The following TAF1C variants were observed in gnomAD, a reference collection of about 807,000 sequenced individuals.
TAF1C encodes the protein TATA box-binding protein-associated factor RNA polymerase I subunit C.
Under a neutral mutation model 70.5 loss-of-function variants are expected in TAF1C, and 79 were observed. The observed-to-expected ratio is 1.12, with a 90% confidence interval of 0.93 to 1.35. TAF1C has a LOEUF of 1.35. Among genes scored for constraint, TAF1C ranks in the 40% most tolerant of loss-of-function variants. The pLI is 0.00. For synonymous variants in TAF1C, 614 were observed against 491.1 expected (o/e 1.25, Z -3.31); for missense variants, 1,412 against 1,127.8 (o/e 1.25, Z -3.61).
chr16:84,183,696 C>T lies in TAF1C; in HGVS notation c.220+1G>A. On this transcript the variant is annotated splice_donor_variant, in intron 3 of 14. Coordinates refer to ENST00000566732, the MANE Select transcript of TAF1C (RefSeq NM_001243156.2). LOFTEE classifies it high-confidence loss of function. ...TGAGCCCGGGGGAATGAGACCCTTA[C>T]CGATGAGGGGAGGCAGCATGGGGAG... The T allele has an allele frequency of 6.2e-7, 1 of 1,610,650 alleles. No homozygotes were observed.
Position 84,177,921 on chromosome 16 carries a change from C to A in TAF1C, c.*1020G>T. ...CATGATAAACATTTTAACACCCACG[C>A]GAGTCAGTGTATGATTGGGCTAGCT... On this transcript the variant is annotated 3_prime_UTR_variant, in exon 15 of 15. Transcript: ENST00000566732. 2 of 1,191,210 alleles carry A rather than the reference C, an allele frequency of 1.7e-6. No homozygotes were observed. The highest frequency in any genetic ancestry group is 2.5e-6 in the Non-Finnish European group (2 of 804,608). The allele number at this position is 1,191,210 out of a possible 1,614,324, so 73.8% of individuals were successfully genotyped here. A position where few individuals can be genotyped will look rare whatever the true frequency, so the allele number is the denominator to read the frequency against.
chr16:84,182,060 T>C lies in TAF1C; in HGVS notation c.722-2A>G, dbSNP rs748431609. The C allele has an allele frequency of 6.8e-6, 11 of 1,612,814 alleles. No homozygotes were observed. In the African/African-American group the frequency reaches 1.2e-4, roughly 18 times the overall value. On this transcript the variant is annotated splice_acceptor_variant, in intron 7 of 14. Transcript: ENST00000566732. LOFTEE classifies it high-confidence loss of function. The surrounding 1 kb of genome is among the most constrained non-coding windows in gnomAD (Gnocchi z 5.0). ...GGGTCAGAACGACCTCTTGGAAATC[T>C]GGGCCTCTCACTAAGGATCAGTGCA...
chr16:84,183,535 G>C (rs1245985054), intron 3 of TAF1C, 28 bp from the exon 4 acceptor site: 7 of 1,595,552 alleles, frequency 4.4e-6, no homozygotes, highest in Non-Finnish European at 6.0e-6. Flanking sequence ...GAAAGGGCTG[G>C]GGAGGGCACA....
In TAF1C at chr16:84,178,402, T is replaced by C. The variant is rs957517164; in HGVS notation, c.*539A>G. 8 of 457,216 alleles carry C rather than the reference T, an allele frequency of 1.7e-5. No homozygotes were observed. Among genetic ancestry groups the C allele is most frequent in the Non-Finnish European group, 3.1e-5 (7 of 227,558 alleles). 28.3% of individuals were successfully genotyped at this position (457,216 alleles called of 1,614,324 possible). ...AATTCATCTTCAGCTGCCAAGTGTA[T>C]TTAGTCCCTGAACCTGGATCCAAGG... On this transcript the variant is annotated 3_prime_UTR_variant, in exon 15 of 15. Transcript: ENST00000566732.
Position 84,181,425 on chromosome 16 carries a change from A to T in TAF1C, c.1067T>A (p.Phe356Tyr), listed in dbSNP as rs1232022410. The change falls in exon 11 of 15, where the codon TTC (phenylalanine) becomes TAC (tyrosine). Residue 356 changes from phenylalanine (F) to tyrosine (Y), a missense_variant. Phe to Tyr is a conservative substitution (Grantham distance 22). Transcript: ENST00000566732. ...CCAACGCCACGAAGAGGAGTCCCGG[A>T]ACACGAGGGTCTCAGGGTCCCTGTA... is the stretch of plus-strand genomic sequence containing the variant. ...QIYRDPETLVFRDSSSWRWAD... is the reference protein window; with the variant it reads ...QIYRDPETLVYRDSSSWRWAD... 2 of 1,613,748 alleles carry T rather than the reference A, an allele frequency of 1.2e-6. No individual in the cohort carries two copies. Among genetic ancestry groups the T allele is most frequent in the East Asian group, 4.5e-5 (2 of 44,892 alleles).
intron 1 of TAF1C, 23 bp from the exon 2 acceptor site, chr16:84,185,083 C>G: frequency 7.0e-7 from 1 of 1,430,032 alleles, no homozygotes; most frequent in Non-Finnish European, 9.4e-7. Flanking sequence ...AAGTGCACTA[C>G]GGGAAGCATA....
chr16:84,179,609 G>C lies in TAF1C; in HGVS notation c.1864C>G (p.Leu622Val). 6.2e-7 allele frequency: 1 copy of C among 1,612,800 alleles called. No homozygotes were observed. Among genetic ancestry groups the C allele is most frequent in the South Asian group, 1.1e-5 (1 of 91,064 alleles). The change falls in exon 15 of 15, where the codon CTG (leucine) becomes GTG (valine). Residue 622 changes from leucine to valine, a missense_variant. Leu to Val is a conservative substitution (Grantham distance 32). Transcript: ENST00000566732. ...GGTGCTGTCCACACAGGAGGAGCCA[G>C]GGGCACTTTTAGCAGGGCCTTCAGC... Reference protein sequence around the residue: ...QWLKALLKVPLAPPVWTAPTF... With the variant: ...QWLKALLKVPVAPPVWTAPTF...
In TAF1C at chr16:84,182,453, G is replaced by A. The variant is rs773293262; in HGVS notation, c.483-13C>T. 6.3e-7 allele frequency: 1 copy of A among 1,594,202 alleles called. No homozygotes were observed. The highest frequency in any genetic ancestry group is 1.1e-5 in the South Asian group (1 of 89,440). ...AGCCCAGGGACACCTGGGGACCAGAGAACAGCAGGAGGATCACTCGGTGGC... is the reference window on the plus strand; with the variant it reads ...AGCCCAGGGACACCTGGGGACCAGAAAACAGCAGGAGGATCACTCGGTGGC... On this transcript the variant is annotated splice_polypyrimidine_tract_variant and intron_variant, in intron 6 of 14. Coordinates refer to ENST00000566732, the MANE Select transcript of TAF1C (RefSeq NM_001243156.2). The surrounding 1 kb of genome is among the most constrained non-coding windows in gnomAD (Gnocchi z 5.0).
In TAF1C at chr16:84,179,254, A is replaced by C. The variant is rs138178776; in HGVS notation, c.2219T>G (p.Val740Gly). Residue 740 changes from valine to glycine, a missense_variant, in exon 15 of 15, where the codon GTG becomes GGG. By Grantham distance (109) the Val-to-Gly change is moderately radical (BLOSUM62 -3). Coordinates refer to ENST00000566732, the MANE Select transcript of TAF1C (RefSeq NM_001243156.2). ...GGAGCTGGTGTCCTCTGAGGGATCCACATGGCCACTGAGCGAAAAGCTGCT... is the reference window on the plus strand; with the variant it reads ...GGAGCTGGTGTCCTCTGAGGGATCCCCATGGCCACTGAGCGAAAAGCTGCT... Reference protein sequence around the residue: ...LSSSFSLSGHVDPSEDTSSPH... With the variant: ...LSSSFSLSGHGDPSEDTSSPH... The C allele has an allele frequency of 6.3e-7, 1 of 1,585,092 alleles. No homozygotes were observed. Among genetic ancestry groups the C allele is most frequent in the South Asian group, 1.1e-5 (1 of 88,928 alleles).
chr16:84,184,206 G>A (rs1213780279), intron 2 of TAF1C, among the ~76,000 whole-genome samples: 1 of 152,196 alleles, frequency 6.6e-6, no homozygotes, highest in African/African-American at 2.4e-5. Context: ...AGACATTCAG[G>A]GGACAAAAGA....
chr16:84,178,792 C>T lies in TAF1C; in HGVS notation c.*149G>A. 1.2e-6 allele frequency: 1 copy of T among 802,418 alleles called. No individual in the cohort carries two copies. Among genetic ancestry groups the T allele is most frequent in the East Asian group, 2.6e-5 (1 of 38,060 alleles). The allele number at this position is 802,418 out of a possible 1,614,324, so 49.7% of individuals were successfully genotyped here. A position where few individuals can be genotyped will look rare whatever the true frequency, so the allele number is the denominator to read the frequency against. The stretch of plus-strand genomic sequence containing the variant: ...GTATTTTGTTGCCCTGTCCCTTCAA[C>T]TTGGCTCCAAATTGCTTGGCTCATC... On this transcript the variant is annotated 3_prime_UTR_variant, in exon 15 of 15. Transcript: ENST00000566732.
rs1173984449 is a variant in TAF1C at position 84,187,016 on chromosome 16, G to C, written c.-188C>G. On this transcript the variant is annotated 5_prime_UTR_variant, in exon 1 of 15. Transcript: ENST00000566732. ...ACCCCAGCTTTGGCACTCGGGACGGGTCAGCCCCGCCGCAGCTACCCACGG... is the reference window on the plus strand; with the variant it reads ...ACCCCAGCTTTGGCACTCGGGACGGCTCAGCCCCGCCGCAGCTACCCACGG... 1.3e-5 allele frequency: 2 copies of C among 152,138 alleles called. No individual in the cohort carries two copies. Among genetic ancestry groups the C allele is most frequent in the Non-Finnish European group, 2.9e-5 (2 of 68,030 alleles). 9.4% of individuals were successfully genotyped at this position (152,138 alleles called of 1,614,324 possible).
chr16:84,186,357 C>A (rs1462576867), intron 1 of TAF1C, among the ~76,000 whole-genome samples: 1 of 152,176 alleles, frequency 6.6e-6, no homozygotes, highest in Non-Finnish European at 1.5e-5. Context: ...AGTTTGAGAC[C>A]AGTCCGGCCA....
At position 84,179,126 on chromosome 16, in the gene TAF1C, A is replaced by T; in HGVS notation, c.2347T>A (p.Ser783Thr). Residue 783 changes from serine to threonine, a missense_variant, in exon 15 of 15, where the codon TCA (serine) becomes ACA (threonine). Transcript: ENST00000566732. ...TPDACAQGVP[S>T]EQRQMLRDYM... ...TCACGGAGCATCTGCCGCTGCTCTGATGGGACGCCCTGGGCGCATGCATCC... is the reference window on the plus strand; with the variant it reads ...TCACGGAGCATCTGCCGCTGCTCTGTTGGGACGCCCTGGGCGCATGCATCC... 2 of 1,608,112 alleles carry T rather than the reference A, an allele frequency of 1.2e-6. No individual in the cohort carries two copies. The highest frequency in any genetic ancestry group is 2.2e-5 in the South Asian group (2 of 90,992).
Position 84,183,678 on chromosome 16 carries a change from G to C in TAF1C, c.220+19C>G, listed in dbSNP as rs767608251. ...AGGTGGAGCAGTGTGGAGTGAGCCCGGGGGAATGAGACCCTTACCGATGAG... is the reference window on the plus strand; with the variant it reads ...AGGTGGAGCAGTGTGGAGTGAGCCCCGGGGAATGAGACCCTTACCGATGAG... On this transcript the variant is annotated intron_variant, in intron 3 of 14. Coordinates refer to ENST00000566732, the MANE Select transcript of TAF1C (RefSeq NM_001243156.2). 1 of 1,604,206 alleles carries C rather than the reference G, an allele frequency of 6.2e-7. No individual in the cohort carries two copies.
chr16:84,182,826 AAG>A lies in TAF1C; in HGVS notation c.482+248_482+249del, dbSNP rs758208845. ...GGAGAGGCAAGTGGACGAGACAGGAAAGAGAGACACAGCTCTATGAACATTAT... is the reference window on the plus strand; with the variant it reads ...GGAGAGGCAAGTGGACGAGACAGGAAAGAGACACAGCTCTATGAACATTAT... On this transcript the variant is annotated intron_variant, in intron 6 of 14. Transcript: ENST00000566732. This position sits in a 1 kb window ranked among gnomAD's most constrained non-coding sequence, Gnocchi z 5.0. Among the ~76,000 whole-genome samples, 3 of 152,106 alleles carry A rather than the reference AAG, an allele frequency of 2.0e-5. No individual in the cohort carries two copies. The highest frequency in any genetic ancestry group is 6.5e-5 in the Admixed American group (1 of 15,286).
Position 84,181,602 on chromosome 16 carries a change from G to A in TAF1C, c.1018C>T (p.Pro340Ser), listed in dbSNP as rs763268903. Reference sequence around the variant, plus strand: ...AGGAAGCGGCGATACCCATCCTCAGGGCTCCACAGGCAGACGGCTCCCGAG... The same window carrying A: ...AGGAAGCGGCGATACCCATCCTCAGAGCTCCACAGGCAGACGGCTCCCGAG... ...SRSGAVCLWS[P>S]EDGLRQIYRD... The change falls in exon 10 of 15, where the codon CCT becomes TCT. Residue 340 changes from proline to serine, a missense_variant. Coordinates refer to ENST00000566732, the MANE Select transcript of TAF1C (RefSeq NM_001243156.2). The A allele has an allele frequency of 1.2e-6, 2 of 1,613,966 alleles. No individual in the cohort carries two copies. The highest frequency in any genetic ancestry group is 8.5e-7 in the Non-Finnish European group (1 of 1,179,978).
Position 84,180,095 on chromosome 16 carries a change from C to A in TAF1C, c.1484-12G>T. On this transcript the variant is annotated splice_polypyrimidine_tract_variant and intron_variant, in intron 13 of 14. Coordinates refer to ENST00000566732, the MANE Select transcript of TAF1C (RefSeq NM_001243156.2). ...CGACGCCCCTTCTCCTGAGGAAGGA[C>A]AGACAGCTGAGGCCCTGTCCAGGCC... is the stretch of plus-strand genomic sequence containing the variant. 2 of 1,588,020 alleles carry A rather than the reference C, an allele frequency of 1.3e-6. No homozygotes were observed. The highest frequency in any genetic ancestry group is 2.2e-5 in the East Asian group (1 of 44,770).
At position 84,178,153 on chromosome 16, in the gene TAF1C, G is replaced by A. The variant is rs145790276; in HGVS notation, c.*788C>T. On this transcript the variant is annotated 3_prime_UTR_variant, in exon 15 of 15. Coordinates refer to ENST00000566732, the MANE Select transcript of TAF1C (RefSeq NM_001243156.2). ...GATGCTTTAGACATCAAAATGAGAA[G>A]GGGAGGGAGGAAAGAAAGGGGGGAG... 1 of 387,822 alleles carries A rather than the reference G, an allele frequency of 2.6e-6. No individual in the cohort carries two copies. The highest frequency in any genetic ancestry group is 2.1e-5 in the South Asian group (1 of 48,744). The allele number at this position is 387,822 out of a possible 1,614,324, so 24.0% of individuals were successfully genotyped here.
Sources: allele counts gnomAD v4.1 joint callset (sites outside exome capture counted in the v4.1 genomes callset), GRCh38; gene constraint gnomAD v4.1.1; non-coding constraint Gnocchi (gnomAD v3.1); transcripts MANE v1.5; gene names NCBI Gene and HGNC (gene_info 2026-07-23, HGNC 2026-07-21).